The following UBR2 variants were observed in gnomAD, a reference collection of about 807,000 sequenced individuals.
The protein encoded by UBR2 is ubiquitin protein ligase E3 component n-recognin 2.
UBR2 carries 92 observed loss-of-function variants against 247.9 expected under a neutral mutation model. That is an observed-to-expected ratio of 0.37 (90% CI 0.31 to 0.44). The LOEUF is 0.44. UBR2 is among the 20% of genes least tolerant of loss of function. The pLI is 1.00. For synonymous variants in UBR2, 672 were observed against 693.5 expected, an observed-to-expected ratio of 0.97 and a Z score of 0.49; for missense variants, 1,613 against 2,112.6, an observed-to-expected ratio of 0.76 and a Z score of 4.64.
At chr6:42,594,696 G>A (rs536166356) in intron 4 of UBR2, among the ~76,000 whole-genome samples, 12 of 152,218 alleles carry the variant, frequency 7.9e-5, no homozygotes, top group African/African-American at 2.9e-4. Flanking sequence ...ATACATGACA[G>A]CCAATCCCAA....
intron 8 of UBR2, among the ~76,000 whole-genome samples, chr6:42,614,358 A>ATGTG (rs1403218062): frequency 3.9e-5 from 5 of 128,206 alleles, no homozygotes; most frequent in East Asian, 2.4e-4. Flanking sequence ...GTATGTGTGT[A>ATGTG]TATATGTGTG....
intron 7 of UBR2, among the ~76,000 whole-genome samples, chr6:42,611,890 G>C (rs1166359361): frequency 6.8e-6 from 1 of 146,036 alleles, no homozygotes; most frequent in African/African-American, 2.5e-5. Flanking sequence ...CTGGGTGACA[G>C]AGCGAGACTC....
Position 42,564,231 on chromosome 6 carries a change from G to A in UBR2, c.-89G>A. ...GGACGGCTCCGGGACTGATTGCCTG[G>A]GGCAGGGGTGGCAGTCGAGGCCGCC... is the stretch of plus-strand genomic sequence containing the variant. On this transcript the variant is annotated 5_prime_UTR_variant, in exon 1 of 47. Coordinates refer to ENST00000372901, the MANE Select transcript of UBR2 (RefSeq NM_001363705.2). 1 of 1,465,538 alleles carries A rather than the reference G, an allele frequency of 6.8e-7. No individual in the cohort carries two copies. The highest frequency in any genetic ancestry group is 9.3e-7 in the Non-Finnish European group (1 of 1,071,186). The allele number at this position is 1,465,538 out of a possible 1,614,324, so 90.8% of individuals were successfully genotyped here. A position where few individuals can be genotyped will look rare whatever the true frequency, so the allele number is the denominator to read the frequency against.
In UBR2 at chr6:42,691,049, A is replaced by C. The variant is rs1378085605; in HGVS notation, c.5144A>C (p.His1715Pro). 5.0e-6 allele frequency: 8 copies of C among 1,613,934 alleles called. No individual in the cohort carries two copies. The highest frequency in any genetic ancestry group is 6.8e-6 in the Non-Finnish European group (8 of 1,180,010). The change falls in exon 47 of 47, where the codon CAT becomes CCT. Residue 1715 changes from histidine to proline, a missense_variant. His to Pro is a moderately conservative substitution (Grantham distance 77, BLOSUM62 -2). Transcript: ENST00000372901. ...CTTTCTAGACGGGGAAATCCTTTAC[A>C]TTTATGCAAAGAGCGATTCAAGAAG... ...DQGLRRGNPL[H>P]LCKERFKKIQ... is the part of the protein sequence containing the mutation.
intron 11 of UBR2, among the ~76,000 whole-genome samples, chr6:42,625,695 C>CT (rs1176339969): frequency 6.6e-6 from 1 of 152,164 alleles, no homozygotes; most frequent in Admixed American, 6.5e-5. Flanking sequence ...TGTGATCTGC[C>CT]TACCTCAACC....
At chr6:42,577,583 GA>G (rs201916050) in intron 2 of UBR2, among the ~76,000 whole-genome samples, 3,260 of 152,094 alleles carry the variant, frequency 0.021, 107 homozygotes, top group African/African-American at 0.074. Context: ...TGTTGATTTT[GA>G]TAATTGTATA....
chr6:42,661,865 A>G (rs940315474), intron 30 of UBR2, among the ~76,000 whole-genome samples: 1 of 152,222 alleles, frequency 6.6e-6, no homozygotes, highest in Non-Finnish European at 1.5e-5. Flanking sequence ...TCAGGGTACA[A>G]TGGGAGGAAT....
chr6:42,640,986 C>T (rs527380661), intron 16 of UBR2, among the ~76,000 whole-genome samples: 97 of 152,088 alleles, frequency 6.4e-4, no homozygotes, highest in African/African-American at 2.3e-3. Flanking sequence ...GCCTCAGCCT[C>T]CCAAAGTGCT....
At position 42,652,513 on chromosome 6, in the gene UBR2, T is replaced by G. The variant is rs781666679; in HGVS notation, c.2637T>G (p.Pro879=). Residue 879 remains proline (P), a synonymous_variant, in exon 25 of 47, where the codon CCT becomes CCG. Transcript: ENST00000372901. The part of the protein sequence containing the change: ...EDTALPPPVL[P]PFCPLFASLV... ...CAGCACTCCCACCTCCGGTGTTGCC[T>G]CCATTCTGCCCTCTGTTTGCAAGCC... The G allele has an allele frequency of 1.9e-6, 3 of 1,608,904 alleles. No individual in the cohort carries two copies. Among genetic ancestry groups the G allele is most frequent in the Non-Finnish European group, 2.5e-6 (3 of 1,178,924 alleles).
chr6:42,604,556 A>G (rs778183379), intron 5 of UBR2, among the ~76,000 whole-genome samples: 31 of 152,352 alleles, frequency 2.0e-4, no homozygotes, highest in Middle Eastern at 3.4e-3. Flanking sequence ...GTACTATACT[A>G]TAACATCCTA....
At position 42,612,160 on chromosome 6, in the gene UBR2, T is replaced by G; in HGVS notation, c.865-11T>G. 1 of 1,495,540 alleles carries G rather than the reference T, an allele frequency of 6.7e-7. No homozygotes were observed. The highest frequency in any genetic ancestry group is 9.1e-7 in the Non-Finnish European group (1 of 1,103,600). 92.6% of individuals were successfully genotyped at this position (1,495,540 alleles called of 1,614,324 possible). A position where few individuals can be genotyped will look rare whatever the true frequency, so the allele number is the denominator to read the frequency against. On this transcript the variant is annotated splice_polypyrimidine_tract_variant and intron_variant, in intron 7 of 46. Coordinates refer to ENST00000372901, the MANE Select transcript of UBR2 (RefSeq NM_001363705.2). The stretch of plus-strand genomic sequence containing the variant: ...TAAGTTAATTTTTAAATCTTGCCAT[T>G]TCTTTTTAAGAGAAATACCAGTAGA...
Position 42,580,610 on chromosome 6 carries a change from G to A in UBR2, c.338+6617G>A, listed in dbSNP as rs138129934. ...GCTGGAGTGCAGGGGCACGATCTTG[G>A]CTCACTGCAGCCTCCGCCTCCTGGG... On this transcript the variant is annotated intron_variant, in intron 2 of 46. Transcript: ENST00000372901. Among the ~76,000 whole-genome samples the A allele has an allele frequency of 4.0e-3, 605 of 152,200 alleles. 1 individual carries two copies. The highest frequency in any genetic ancestry group is 0.014 in the African/African-American group (562 of 41,506).
At chr6:42,662,845 G>A (rs954206644) in intron 31 of UBR2, among the ~76,000 whole-genome samples, 2 of 152,094 alleles carry the variant, frequency 1.3e-5, no homozygotes, top group Non-Finnish European at 2.9e-5. Flanking sequence ...TGAGACAGGA[G>A]AATTGCTTGA....
intron 43 of UBR2, among the ~76,000 whole-genome samples, chr6:42,683,739 T>G (rs954138646): frequency 2.0e-5 from 3 of 152,210 alleles, no homozygotes; most frequent in Non-Finnish European, 4.4e-5. Context: ...ATTTCAGGTT[T>G]TAACAGTAGA....
intron 30 of UBR2, among the ~76,000 whole-genome samples, chr6:42,660,996 TA>T (rs11449013): frequency 1.7e-3 from 230 of 139,268 alleles, no homozygotes; most frequent in African/African-American, 2.6e-3. Flanking sequence ...TGTTTGTTTT[TA>T]AAAAAAAAAA....
At chr6:42,600,372 G>A (rs1343881029) in intron 4 of UBR2, among the ~76,000 whole-genome samples, 1 of 152,038 alleles carries the variant, frequency 6.6e-6, no homozygotes, top group African/African-American at 2.4e-5. Context: ...AGTAATAATA[G>A]ATAATACAAT....
At chr6:42,620,011 T>C in intron 11 of UBR2, 1 of 947,590 alleles carries the variant, frequency 1.1e-6, no homozygotes, top group Non-Finnish European at 1.3e-6. Flanking sequence ...TTAGGAAAAC[T>C]ACTGATTTTT....
At chr6:42,679,640 T>C (rs933361129) in intron 41 of UBR2, 84 bp from the exon 42 acceptor site, 7 of 1,013,038 alleles carry the variant, frequency 6.9e-6, no homozygotes, top group Admixed American at 4.8e-5. Context: ...CATCCTTTTT[T>C]TTTAAACTCT....
At chr6:42,576,029 C>T (rs1791482952) in intron 2 of UBR2, among the ~76,000 whole-genome samples, 1 of 151,530 alleles carries the variant, frequency 6.6e-6, no homozygotes, top group Admixed American at 6.6e-5. Context: ...TTTCCTTTTC[C>T]CTTCTGTTTT....
Sources: allele counts gnomAD v4.1 joint callset (sites outside exome capture counted in the v4.1 genomes callset), GRCh38; gene constraint gnomAD v4.1.1; transcripts MANE v1.5; gene names NCBI Gene and HGNC (gene_info 2026-07-23, HGNC 2026-07-21).